Variants in IFT81 observed in about 807,000 individuals in gnomAD.
The protein encoded by IFT81 is intraflagellar transport protein 81 homolog.
A neutral mutation model predicts 102.6 loss-of-function variants in IFT81; 72 were observed. The ratio of observed to expected loss-of-function variants is 0.70; its 90% CI spans 0.58 to 0.85. The LOEUF is 0.85. IFT81 is among the 40% of genes least tolerant of loss of function. The pLI is 0.00. For synonymous variants in IFT81, 237 were observed against 242.7 expected (o/e 0.98, Z 0.22); for missense variants, 723 against 787.3 (o/e 0.92, Z 0.98).
intron 13 of IFT81, among the ~76,000 whole-genome samples, chr12:110,191,767 C>T (rs564721136): frequency 2.1e-4 from 32 of 152,016 alleles, no homozygotes; most frequent in African/African-American, 5.3e-4. Context: ...GGTAAATAGC[C>T]GCCCCAAACC....
intron 7 of IFT81, 74 bp downstream of exon 7, chr12:110,135,511 A>T: frequency 1.1e-6 from 1 of 884,758 alleles, no homozygotes; most frequent in Non-Finnish European, 1.8e-6. Flanking sequence ...TAAAGAAAAG[A>T]GTTTTAAAAT....
At chr12:110,192,170 C>CAA (rs779420962) in intron 13 of IFT81, among the ~76,000 whole-genome samples, 2 of 117,894 alleles carry the variant, frequency 1.7e-5, no homozygotes, top group Non-Finnish European at 3.6e-5. Context: ...GACTCTGTCT[C>CAA]AAAAAAAAAA....
rs765704127 is a variant in IFT81 at position 110,127,440 on chromosome 12, C to T, written c.60C>T (p.Asn20=). The T allele has an allele frequency of 1.9e-6, 3 of 1,608,090 alleles. No individual in the cohort carries two copies. Among genetic ancestry groups the T allele is most frequent in the Non-Finnish European group, 2.5e-6 (3 of 1,177,346 alleles). Residue 20 remains asparagine, a synonymous_variant, in exon 2 of 19, where the codon AAC becomes AAT. Coordinates refer to ENST00000242591, the MANE Select transcript of IFT81 (RefSeq NM_014055.4). ...DSLNKEPFRK[N]YNLITFDSLE... ...TCAATAAGGAGCCCTTTAGGAAGAACTATAATTTAATCACGTTTGATTCCT... is the reference window on the plus strand; with the variant it reads ...TCAATAAGGAGCCCTTTAGGAAGAATTATAATTTAATCACGTTTGATTCCT...
At position 110,158,884 on chromosome 12, in the gene IFT81, G is replaced by A. The variant is rs867785733; in HGVS notation, c.1042-4035G>A. On this transcript the variant is annotated intron_variant, in intron 10 of 18. Coordinates refer to ENST00000242591, the MANE Select transcript of IFT81 (RefSeq NM_014055.4). ...ATTACAGGCGTGAGCCACCGCGCCC[G>A]GCCAATTTTTTGTATTTTTAGTAGA... Among the ~76,000 whole-genome samples the A allele has an allele frequency of 1.1e-4, 16 of 151,804 alleles. No individual in the cohort carries two copies. In the South Asian group the frequency reaches 1.3e-3, roughly 12 times the overall value.
At chr12:110,167,783 A>G (rs148397769) in intron 11 of IFT81, 17 of 204,064 alleles carry the variant, frequency 8.3e-5, no homozygotes, top group African/African-American at 2.9e-4. Context: ...GGCTTCTTAT[A>G]TACATTATTC....
At chr12:110,186,624 C>A (rs1897542621) in intron 12 of IFT81, among the ~76,000 whole-genome samples, 2 of 152,194 alleles carry the variant, frequency 1.3e-5, no homozygotes, top group South Asian at 4.1e-4. Flanking sequence ...GGCGATTCTC[C>A]CACCTCAGCC....
chr12:110,158,280 A>G (rs570149138), intron 10 of IFT81, among the ~76,000 whole-genome samples: 7 of 152,160 alleles, frequency 4.6e-5, no homozygotes, highest in African/African-American at 1.4e-4. Flanking sequence ...AGGTTTCACC[A>G]TGTTGGCCAG....
intron 11 of IFT81, among the ~76,000 whole-genome samples, chr12:110,172,280 A>T (rs550226033): frequency 9.2e-5 from 14 of 151,682 alleles, no homozygotes; most frequent in African/African-American, 3.4e-4. Context: ...AAATAGAAAA[A>T]TTTGCCTCTG....
chr12:110,139,705 C>T (rs1894739810), intron 8 of IFT81, among the ~76,000 whole-genome samples: 1 of 148,864 alleles, frequency 6.7e-6, no homozygotes, highest in South Asian at 2.1e-4. Context: ...ACCCGGGAGG[C>T]AGAGCTTGCA....
At chr12:110,171,679 A>G (rs922099478) in intron 11 of IFT81, among the ~76,000 whole-genome samples, 2 of 152,234 alleles carry the variant, frequency 1.3e-5, no homozygotes, top group Non-Finnish European at 2.9e-5. Context: ...CATTTTAGCA[A>G]ATAACAAAGG....
At position 110,180,300 on chromosome 12, in the gene IFT81, A is replaced by G. The variant is rs377642721; in HGVS notation, c.1189-122A>G. 42 of 322,034 alleles carry G rather than the reference A, an allele frequency of 1.3e-4. No individual in the cohort carries two copies. The South Asian group carries it at 4.6e-3, about 35-fold the overall frequency. The allele number at this position is 322,034 out of a possible 1,614,324, so 19.9% of individuals were successfully genotyped here. ...TTTTCTAATAAAACGAAATTATTAT[A>G]TACGTGTGACATGTTGGGAAGTAGA... is the stretch of plus-strand genomic sequence containing the variant. On this transcript the variant is annotated intron_variant, in intron 11 of 18. Coordinates refer to ENST00000242591, the MANE Select transcript of IFT81 (RefSeq NM_014055.4).
chr12:110,154,088 A>G (rs770365572), intron 10 of IFT81, among the ~76,000 whole-genome samples: 5 of 151,786 alleles, frequency 3.3e-5, no homozygotes, highest in Admixed American at 6.6e-5. Flanking sequence ...GGATCAAGCA[A>G]TTCTCTGCCT....
At chr12:110,164,342 A>G (rs937449910) in intron 11 of IFT81, among the ~76,000 whole-genome samples, 1 of 152,206 alleles carries the variant, frequency 6.6e-6, no homozygotes, top group African/African-American at 2.4e-5. Context: ...TAGCCCAGGA[A>G]TGAATGAATA....
chr12:110,153,593 A>G (rs1172609588), intron 10 of IFT81, among the ~76,000 whole-genome samples: 1 of 146,032 alleles, frequency 6.8e-6, no homozygotes, highest in African/African-American at 2.5e-5. Context: ...CATCAGGACC[A>G]GGGCTTTTCT....
At chr12:110,135,267 C>T in intron 6 of IFT81, 60 bp from the exon 7 acceptor site, 1 of 1,028,912 alleles carries the variant, frequency 9.7e-7, no homozygotes, top group East Asian at 2.4e-5. Flanking sequence ...AGTCACATGA[C>T]ATGCTAATTT....
At chr12:110,135,711 A>G (rs942617797) in intron 7 of IFT81, among the ~76,000 whole-genome samples, 14 of 152,136 alleles carry the variant, frequency 9.2e-5, no homozygotes, top group African/African-American at 3.4e-4. Context: ...TACTAAAAAT[A>G]TAAAAATTAG....
intron 10 of IFT81, among the ~76,000 whole-genome samples, chr12:110,148,596 T>G (rs1337315226): frequency 6.6e-6 from 1 of 152,004 alleles, no homozygotes. Flanking sequence ...TGCTTCATCC[T>G]CCTGAGTAGC....
At chr12:110,180,965 G>A (rs1243198161) in intron 12 of IFT81, among the ~76,000 whole-genome samples, 7 of 152,230 alleles carry the variant, frequency 4.6e-5, no homozygotes, top group African/African-American at 7.2e-5. Flanking sequence ...GTGCTGTGTG[G>A]AAGTCTGCCT....
chr12:110,150,079 G>C (rs183452833), intron 10 of IFT81, among the ~76,000 whole-genome samples: 13 of 151,756 alleles, frequency 8.6e-5, no homozygotes, highest in Admixed American at 2.0e-4. Context: ...AGGAGTTCTC[G>C]TTGATTTTTT....
Sources: gnomAD v4.1 joint callset for allele counts (sites outside exome capture counted in the v4.1 genomes callset) on GRCh38, gnomAD v4.1.1 for gene constraint, MANE v1.5 for transcripts, NCBI Gene and HGNC (gene_info 2026-07-23, HGNC 2026-07-21) for gene names.